The following UBE2D2 variants were observed in gnomAD, a reference collection of about 807,000 sequenced individuals.
The protein encoded by UBE2D2 is ubiquitin conjugating enzyme E2 D2.
Under a neutral mutation model 24.2 loss-of-function variants are expected in UBE2D2, and 2 were observed. That is an observed-to-expected ratio of 0.08 (90% CI 0.03 to 0.26). The LOEUF (loss-of-function observed/expected upper bound fraction) is 0.26. UBE2D2 is among the 10% of genes least tolerant of loss of function. The pLI is 1.00. For missense variants in UBE2D2, 44 were observed against 177.6 expected (o/e 0.25, Z 4.28); for synonymous variants, 58 against 56.5 (o/e 1.03, Z -0.12).
intron 1 of UBE2D2, among the ~76,000 whole-genome samples, chr5:139,544,737 A>T (rs1272704425): frequency 6.6e-6 from 1 of 151,974 alleles, no homozygotes; most frequent in Non-Finnish European, 1.5e-5. Context: ...ACATATGAAT[A>T]CATCATTGAG....
chr5:139,607,148 G>A (rs1323680263), intron 2 of UBE2D2, among the ~76,000 whole-genome samples: 1 of 152,158 alleles, frequency 6.6e-6, no homozygotes, highest in African/African-American at 2.4e-5. Flanking sequence ...GGCAGGTTTG[G>A]TATTCTGTCA....
chr5:139,606,507 A>G (rs911407284), intron 2 of UBE2D2, among the ~76,000 whole-genome samples: 12 of 152,152 alleles, frequency 7.9e-5, no homozygotes, highest in African/African-American at 2.9e-4. Flanking sequence ...CTAAAGAGTA[A>G]TCATTCATCT....
Position 139,628,363 on chromosome 5 carries a change from G to A in UBE2D2, c.*1562G>A, listed in dbSNP as rs565085434. On this transcript the variant is annotated 3_prime_UTR_variant, in exon 7 of 7. Coordinates refer to ENST00000398733, the MANE Select transcript of UBE2D2 (RefSeq NM_003339.3). ...CCATGGCTGATGCTCTAGCCATCAG[G>A]TTCTTTCAAATGCATCTTTACACTC... The A allele has an allele frequency of 6.6e-6, 1 of 152,582 alleles. No homozygotes were observed. Among genetic ancestry groups the A allele is most frequent in the Non-Finnish European group, 1.5e-5 (1 of 68,028 alleles). 9.5% of individuals were successfully genotyped at this position (152,582 alleles called of 1,614,324 possible).
At chr5:139,528,771 G>A (rs894327236) in intron 1 of UBE2D2, among the ~76,000 whole-genome samples, 2 of 152,260 alleles carry the variant, frequency 1.3e-5, no homozygotes, top group South Asian at 2.1e-4. Flanking sequence ...CCGTATCAGA[G>A]AGCCCAGTTA....
intron 1 of UBE2D2, among the ~76,000 whole-genome samples, chr5:139,549,129 G>C (rs1270342234): frequency 6.6e-6 from 1 of 152,184 alleles, no homozygotes; most frequent in Non-Finnish European, 1.5e-5. Flanking sequence ...TTACAGGTGT[G>C]AGCCACTGTG....
Position 139,548,193 on chromosome 5 carries a change from A to AAAAAAAAAAAAAAAATAAAT in UBE2D2, c.-64+21584_-64+21585insAAAAAAAAAAAATAAATAAA. On this transcript the variant is annotated intron_variant, in intron 1 of 6. Transcript: ENST00000511725. ...AAAAAAAAAAAAAAAATAAAAAAAA[A>AAAAAAAAAAAAAAAATAAAT]AAATAAATAAATAAATAAATAAACG... Among the ~76,000 whole-genome samples, 52 of 47,066 alleles carry AAAAAAAAAAAAAAAATAAAT rather than the reference A, an allele frequency of 1.1e-3. 1 individual carries two copies. Among genetic ancestry groups the AAAAAAAAAAAAAAAATAAAT allele is most frequent in the Non-Finnish European group, 1.4e-3 (36 of 26,346 alleles). The allele number at this position is 47,066 out of a possible 152,430, so 30.9% of individuals were successfully genotyped here.
At chr5:139,550,285 C>G (rs1389371671) in intron 1 of UBE2D2, among the ~76,000 whole-genome samples, 1 of 152,148 alleles carries the variant, frequency 6.6e-6, no homozygotes, top group African/African-American at 2.4e-5. Context: ...TCTAGTTAAT[C>G]TAGTGGGGAC....
intron 5 of UBE2D2, among the ~76,000 whole-genome samples, chr5:139,622,758 C>T (rs1314405519): frequency 2.7e-5 from 4 of 150,156 alleles, no homozygotes; most frequent in East Asian, 2.1e-4. Context: ...GGCGTGGTGG[C>T]GGGTGCCTGT....
Position 139,618,612 on chromosome 5 carries a change from G to A in UBE2D2, c.304+3646G>A, listed in dbSNP as rs146593225. 7.2e-5 allele frequency among the ~76,000 whole-genome samples: 11 copies of A among 152,244 alleles called. No homozygotes were observed. In the East Asian group the frequency reaches 2.1e-3, roughly 29 times the overall value. ...AGGTGTGTGTTTGGTGGGGTGAGGT[G>A]TTGGAGACACAAGATAGCTGAAATT... On this transcript the variant is annotated intron_variant, in intron 5 of 6. Coordinates refer to ENST00000398733, the MANE Select transcript of UBE2D2 (RefSeq NM_003339.3).
chr5:139,617,722 C>G (rs1198691945), intron 5 of UBE2D2, among the ~76,000 whole-genome samples: 1 of 152,012 alleles, frequency 6.6e-6, no homozygotes, highest in Non-Finnish European at 1.5e-5. Flanking sequence ...ATCTCAGATC[C>G]ACCTCTTATT....
intron 1 of UBE2D2, among the ~76,000 whole-genome samples, chr5:139,541,377 G>A (rs1372480562): frequency 2.7e-5 from 4 of 149,334 alleles, no homozygotes; most frequent in East Asian, 4.0e-4. Flanking sequence ...CGAGGTGGGC[G>A]GATCACAAGT....
intron 1 of UBE2D2, among the ~76,000 whole-genome samples, chr5:139,545,611 A>G (rs1175406117): frequency 1.3e-5 from 2 of 148,318 alleles, no homozygotes; most frequent in African/African-American, 5.0e-5. Context: ...TTTTTAGTAG[A>G]GACAGAGTTT....
upstream of UBE2D2, among the ~76,000 whole-genome samples, chr5:139,558,216 T>C (rs962016386): frequency 6.6e-6 from 1 of 152,228 alleles, no homozygotes; most frequent in African/African-American, 2.4e-5. Flanking sequence ...GGTACATTTA[T>C]ATGCTAGAAT....
rs191008233 is a variant in UBE2D2, at chr5:139,552,004, G to A, written c.-64+25392G>A. On this transcript the variant is annotated intron_variant, in intron 1 of 6. Coordinates refer to the UBE2D2 transcript ENST00000511725. The stretch of plus-strand genomic sequence containing the variant: ...CCCAAATCTAATTACTTTAATGAGA[G>A]AGAACAACAGTACAAAAGGAATGTA... Among the ~76,000 whole-genome samples, 1,002 of 152,240 alleles carry A rather than the reference G, an allele frequency of 6.6e-3. 5 individuals are homozygous for A. Among genetic ancestry groups the A allele is most frequent in the Non-Finnish European group, 0.011 (732 of 68,016 alleles).
In UBE2D2 at chr5:139,561,833, G is replaced by A. The variant is rs1753105658; in HGVS notation, c.24+18G>A. 3 of 1,486,986 alleles carry A rather than the reference G, an allele frequency of 2.0e-6. No homozygotes were observed. Among genetic ancestry groups the A allele is most frequent in the African/African-American group, 2.9e-5 (2 of 67,962 alleles). The allele number at this position is 1,486,986 out of a possible 1,614,324, so 92.1% of individuals were successfully genotyped here. A position where few individuals can be genotyped will look rare whatever the true frequency, so the allele number is the denominator to read the frequency against. On this transcript the variant is annotated intron_variant, in intron 1 of 6. Transcript: ENST00000398733. ...TCCACAAGGTAAGCGGCCGGAGGTC[G>A]GCTGCGCTGCTGGCCAGCTGAGCAG...
chr5:139,621,734 C>T (rs355153), intron 5 of UBE2D2, among the ~76,000 whole-genome samples: 9,121 of 152,162 alleles, frequency 0.06, 319 homozygotes, highest in South Asian at 0.11. Context: ...GTGATCCTCC[C>T]ACCTCAGCCT....
At chr5:139,559,568 A>G (rs1753029723), upstream of UBE2D2, among the ~76,000 whole-genome samples, 1 of 151,996 alleles carries the variant, frequency 6.6e-6, no homozygotes, top group Non-Finnish European at 1.5e-5. Flanking sequence ...ACTGGATACA[A>G]TTTTCTCTCA....
intron 2 of UBE2D2, among the ~76,000 whole-genome samples, chr5:139,603,389 G>A (rs1200052809): frequency 6.6e-6 from 1 of 152,148 alleles, no homozygotes; most frequent in Non-Finnish European, 1.5e-5. Context: ...GTTCACGTCT[G>A]TAATCCTAGC....
chr5:139,542,949 T>C (rs1002153675), intron 1 of UBE2D2, among the ~76,000 whole-genome samples: 1 of 152,136 alleles, frequency 6.6e-6, no homozygotes, highest in Non-Finnish European at 1.5e-5. Context: ...CAGGATGGAG[T>C]GCAGTGGCCT....
Sources: allele counts gnomAD v4.1 joint callset (sites outside exome capture counted in the v4.1 genomes callset), GRCh38; gene constraint gnomAD v4.1.1; transcripts MANE v1.5; gene names NCBI Gene and HGNC (gene_info 2026-07-23, HGNC 2026-07-21).